Variants in RET observed in about 807,000 individuals in gnomAD.
RET encodes the protein ret proto-oncogene, also known as proto-oncogene tyrosine-protein kinase receptor Ret.
RET carries 19 observed loss-of-function variants against 118.3 expected under a neutral mutation model. The observed-to-expected ratio is 0.16, with a 90% CI of 0.11 to 0.24. RET has a LOEUF of 0.24. Ranked by LOEUF, RET falls within the 10% of genes least tolerant of loss-of-function variation. The pLI, the probability that RET is intolerant of heterozygous loss-of-function variation, is 1.00. For synonymous variants in RET, 597 were observed against 644.1 expected (o/e 0.93, Z 1.11); for missense variants, 1,219 against 1,502.1 (o/e 0.81, Z 3.12).
chr10:43,115,702 C>T (rs757112840), intron 11 of RET, among the ~76,000 whole-genome samples: 32 of 152,382 alleles, frequency 2.1e-4, no homozygotes, highest in Non-Finnish European at 3.8e-4. Flanking sequence ...GAGTCACACT[C>T]ATCAGCACCA....
In RET at chr10:43,119,502, C is replaced by T. The variant is rs112200125; in HGVS notation, c.2393-29C>T. On this transcript the variant is annotated intron_variant, in intron 13 of 19. Transcript: ENST00000355710. ...GAAGACCCAAGCTGCCTGACCCGCA[C>T]GCCCAGGGCCCCCTCTCTCCGCCCC... The T allele has an allele frequency of 6.6e-4, 1,042 of 1,569,540 alleles. 7 individuals carry two copies. The highest frequency in any genetic ancestry group is 1.1e-3 in the African/African-American group (82 of 73,860).
In RET at chr10:43,106,318, T is replaced by TG. The variant is rs1201381707; in HGVS notation, c.868-52dup. The TG allele has an allele frequency of 1.3e-6, 2 of 1,536,534 alleles. No homozygotes were observed. Among genetic ancestry groups the TG allele is most frequent in the Non-Finnish European group, 1.8e-6 (2 of 1,125,156 alleles). On this transcript the variant is annotated intron_variant, in intron 4 of 19. Transcript: ENST00000355710. The surrounding 1 kb of genome is among the most constrained non-coding windows in gnomAD (Gnocchi z 5.1). ...TGCAGCATTCTAAGGTCTCTGGTTT[T>TG]GGGGGGTCTGAGGGGCCCATCTCGC...
chr10:43,092,373 A>G (rs570641834), intron 1 of RET, among the ~76,000 whole-genome samples: 10 of 152,354 alleles, frequency 6.6e-5, no homozygotes, highest in African/African-American at 2.4e-4. Flanking sequence ...CAGGATAAAA[A>G]GAGTGCTGTG....
At chr10:43,102,231 C>A in intron 2 of RET, 111 bp from the exon 3 acceptor site, 1 of 1,387,246 alleles carries the variant, frequency 7.2e-7, no homozygotes, top group Non-Finnish European at 1.0e-6. Context: ...GCCTTGTGGA[C>A]CTTGGTGGGG....
At chr10:43,083,895 T>C (rs978493215) in intron 1 of RET, among the ~76,000 whole-genome samples, 4 of 152,234 alleles carry the variant, frequency 2.6e-5, no homozygotes, top group Non-Finnish European at 4.4e-5. Flanking sequence ...CCAAAAAATT[T>C]GCATCACCCC....
At position 43,099,367 on chromosome 10, in the gene RET, T is replaced by C. The variant is rs906001527; in HGVS notation, c.74-1092T>C. 7.9e-5 allele frequency among the ~76,000 whole-genome samples: 12 copies of C among 152,024 alleles called. 1 individual carries two copies. The highest frequency in any genetic ancestry group is 7.2e-4 in the Admixed American group (11 of 15,270). ...TCTACTAAGAAAATACAAAATTAGC[T>C]GGGCATGGTGGTGCATGCCTGTAAT... On this transcript the variant is annotated intron_variant, in intron 1 of 19. Coordinates refer to ENST00000355710, the MANE Select transcript of RET (RefSeq NM_020975.6).
At position 43,106,153 on chromosome 10, in the gene RET, C is replaced by CA; in HGVS notation, c.868-222dup. Among the ~76,000 whole-genome samples, 1 of 152,200 alleles carries CA rather than the reference C, an allele frequency of 6.6e-6. No homozygotes were observed. Among genetic ancestry groups the CA allele is most frequent in the East Asian group, 1.9e-4 (1 of 5,188 alleles). ...TAAGAGGTCTGCATTGTACCTGTTA[C>CA]ACAGGCGAGGCTCAGTGGCTCAGGG... On this transcript the variant is annotated intron_variant, in intron 4 of 19. Coordinates refer to ENST00000355710, the MANE Select transcript of RET (RefSeq NM_020975.6). The surrounding 1 kb of genome is among the most constrained non-coding windows in gnomAD (Gnocchi z 5.1).
In RET at chr10:43,111,203, C is replaced by T. The variant is rs587780806; in HGVS notation, c.1264-4C>T. ...GGCTAAGGTGTTCCCCTGTGCCCCC[C>T]TAGATCGGGAAAGTCTGTGTGGAAA... On this transcript the variant is annotated splice_region_variant and splice_polypyrimidine_tract_variant and intron_variant, in intron 6 of 19. Transcript: ENST00000355710. The T allele has an allele frequency of 6.1e-5, 99 of 1,613,542 alleles. No individual in the cohort carries two copies. Among genetic ancestry groups the T allele is most frequent in the South Asian group, 4.7e-4 (43 of 91,078 alleles).
Position 43,088,175 on chromosome 10 carries a change from C to T in RET, c.73+10844C>T, listed in dbSNP as rs376119503. ...GTGGTGATGGTGCTGGTGGAGGCAA[C>T]GGTGATGGTGGTGGTGATGGTGAAG... is the stretch of plus-strand genomic sequence containing the variant. On this transcript the variant is annotated intron_variant, in intron 1 of 19. Transcript: ENST00000355710. 3.3e-4 allele frequency among the ~76,000 whole-genome samples: 44 copies of T among 134,986 alleles called. No individual in the cohort carries two copies. The East Asian group carries it at 7.9e-3, about 24-fold the overall frequency. The allele number at this position is 134,986 out of a possible 152,430, so 88.6% of individuals were successfully genotyped here. A position where few individuals can be genotyped will look rare whatever the true frequency, so the allele number is the denominator to read the frequency against.
rs147437610 is a variant in RET, at chr10:43,126,658, G to A, written c.3123G>A (p.Val1041=). ...TCTCAGAGGAGGAGACACCGCTGGT[G>A]GACTGTAATAATGCCCCCCTCCCTC... ...DGLSEEETPL[V]DCNNAPLPRA... is the part of the protein sequence containing the mutation. Residue 1041 remains valine (V), a synonymous_variant, in exon 19 of 20, where the codon GTG becomes GTA. Coordinates refer to ENST00000355710, the MANE Select transcript of RET (RefSeq NM_020975.6). The A allele has an allele frequency of 1.9e-6, 3 of 1,614,074 alleles. No homozygotes were observed. Among genetic ancestry groups the A allele is most frequent in the Non-Finnish European group, 8.5e-7 (1 of 1,180,022 alleles).
intron 12 of RET, among the ~76,000 whole-genome samples, chr10:43,118,166 T>C (rs1158850200): frequency 6.6e-6 from 1 of 152,236 alleles, no homozygotes; most frequent in African/African-American, 2.4e-5. Context: ...GTGTGGTTGC[T>C]GGCTCCTCAG....
chr10:43,112,823 G>A (rs757305925), intron 8 of RET, 30 bp from the exon 9 acceptor site: 1 of 1,578,202 alleles, frequency 6.3e-7, no homozygotes. Context: ...GCTCCCACAT[G>A]GGTGACAGCC....
intron 6 of RET, among the ~76,000 whole-genome samples, chr10:43,110,849 C>T (rs529940524): frequency 5.3e-5 from 8 of 152,220 alleles, no homozygotes; most frequent in Admixed American, 3.3e-4. Flanking sequence ...GACATTCCGG[C>T]GGCTTTGTTG....
rs201101792 is a variant in RET, at chr10:43,119,681, T to G, written c.2543T>G (p.Met848Arg). ...CACCCGGATGAGCGGGCCCTCACCA[T>G]GGGCGACCTCATCTCATTTGCCTGG... is the stretch of plus-strand genomic sequence containing the variant. ...LDHPDERALT[M>R]GDLISFAWQI... Residue 848 changes from methionine (M) to arginine (R), a missense_variant, in exon 14 of 20, where the codon ATG becomes AGG. Physicochemically the swap from Met to Arg is moderately conservative, Grantham distance 91 (BLOSUM62 -1). Around this residue, in one of 5 missense-constraint regions of RET, gnomAD observed 850 missense variants for 969.6 expected, o/e 0.88. Transcript: ENST00000355710. 2 of 1,613,392 alleles carry G rather than the reference T, an allele frequency of 1.2e-6. No individual in the cohort carries two copies. The highest frequency in any genetic ancestry group is 8.5e-7 in the Non-Finnish European group (1 of 1,179,950).
At chr10:43,102,900 C>T in intron 3 of RET, 1 of 551,162 alleles carries the variant, frequency 1.8e-6, no homozygotes. Flanking sequence ...CCAAGGAAAT[C>T]AGGTGGCTTC....
At chr10:43,110,928 A>G (rs1837901452) in intron 6 of RET, among the ~76,000 whole-genome samples, 1 of 152,074 alleles carries the variant, frequency 6.6e-6, no homozygotes, top group Non-Finnish European at 1.5e-5. Flanking sequence ...CCTGCCACCA[A>G]ACTGAACCTC....
In RET at chr10:43,109,091, T is replaced by A. The variant is rs142338976; in HGVS notation, c.1124T>A (p.Leu375Gln). The change falls in exon 6 of 20, where the codon CTG (leucine) becomes CAG (glutamine). Residue 375 changes from leucine to glutamine, a missense_variant. Leu to Gln is a moderately radical substitution (Grantham distance 113). Transcript: ENST00000355710. ...AACCGCACCATGCAGCTGGCGGTGC[T>A]GGTCAATGACTCAGACTTCCAGGGC... Reference protein sequence around the residue: ...SENRTMQLAVLVNDSDFQGPG... With the variant: ...SENRTMQLAVQVNDSDFQGPG... The A allele has an allele frequency of 1.1e-4, 179 of 1,613,722 alleles. No homozygotes were observed. The African/African-American group carries it at 2.3e-3, about 21-fold the overall frequency.
chr10:43,077,706 G>A (rs1316929897), intron 1 of RET, among the ~76,000 whole-genome samples: 9 of 152,212 alleles, frequency 5.9e-5, no homozygotes, highest in Middle Eastern at 3.2e-3. Flanking sequence ...GACGGGTCAG[G>A]GAGCCCCGAA....
In RET at chr10:43,102,563, C is replaced by G. The variant is rs2132683612; in HGVS notation, c.559C>G (p.Gln187Glu). The G allele has an allele frequency of 6.2e-7, 1 of 1,614,244 alleles. No individual in the cohort carries two copies. The highest frequency in any genetic ancestry group is 8.5e-7 in the Non-Finnish European group (1 of 1,180,046). Reference protein sequence around the residue: ...RENRPPGTFHQFRLLPVQFLC... With the variant: ...RENRPPGTFHEFRLLPVQFLC... ...GAACCGACCCCCAGGCACCTTCCAC[C>G]AGTTCCGCCTGCTGCCTGTGCAGTT... Residue 187 changes from glutamine to glutamate, a missense_variant, in exon 3 of 20, where the codon CAG becomes GAG. By Grantham distance (29) the Gln-to-Glu change is conservative. This residue lies in a region of RET where 850 missense variants were observed against 969.6 expected (regional missense o/e 0.88). Coordinates refer to ENST00000355710, the MANE Select transcript of RET (RefSeq NM_020975.6).
Sources: allele counts gnomAD v4.1 joint callset (sites outside exome capture counted in the v4.1 genomes callset), GRCh38; gene constraint gnomAD v4.1.1; regional missense constraint gnomAD v4.1.1; non-coding constraint Gnocchi (gnomAD v3.1); transcripts MANE v1.5; gene names NCBI Gene and HGNC (gene_info 2026-07-23, HGNC 2026-07-21).